RTCB: variants seen among roughly 807,000 people sequenced by gnomAD.
RTCB encodes the protein RNA-splicing ligase RTCB.
In RTCB, 32 loss-of-function variants were observed where a neutral mutation model predicts 58.2. The observed-to-expected ratio is 0.55, with a 90% CI of 0.41 to 0.74. The LOEUF is 0.74. RTCB is among the 30% of genes least tolerant of loss of function. The probability of loss-of-function intolerance (pLI) is 0.00; values close to 1 mark genes in which losing one functional copy is unlikely to be tolerated. For missense variants in RTCB, 523 were observed against 639.0 expected (o/e 0.82, Z 1.96); for synonymous variants, 247 against 218.6 (o/e 1.13, Z -1.15).
At position 32,398,015 on chromosome 22, in the gene RTCB, C is replaced by T; in HGVS notation, c.740G>A (p.Gly247Asp). ...IFNEYAAKKM[G>D]IDHKGQVCVM... The stretch of plus-strand genomic sequence containing the variant: ...ACACACCTGTCCCTTATGGTCGATG[C>T]CCATTTTTTTAGCAGCATACTCATT... Residue 247 changes from glycine (G) to aspartate (D), a missense_variant, in exon 7 of 12, where the codon GGC becomes GAC. Transcript: ENST00000216038. 2 of 1,614,112 alleles carry T rather than the reference C, an allele frequency of 1.2e-6. No individual in the cohort carries two copies. Among genetic ancestry groups the T allele is most frequent in the Non-Finnish European group, 1.7e-6 (2 of 1,180,008 alleles).
chr22:32,387,894 A>T lies in RTCB; in HGVS notation c.*98T>A. 1 of 807,224 alleles carries T rather than the reference A, an allele frequency of 1.2e-6. No homozygotes were observed. The highest frequency in any genetic ancestry group is 2.1e-6 in the Non-Finnish European group (1 of 476,546). The allele number at this position is 807,224 out of a possible 1,614,324, so 50.0% of individuals were successfully genotyped here. A position where few individuals can be genotyped will look rare whatever the true frequency, so the allele number is the denominator to read the frequency against. On this transcript the variant is annotated 3_prime_UTR_variant, in exon 12 of 12. Transcript: ENST00000216038. ...GAGCAGTTACAGCTGCACACTTTGC[A>T]ACTTGTCCCGCCTTGAGTCTGATGT...
Position 32,396,214 on chromosome 22 carries a change from C to T in RTCB, c.850G>A (p.Asp284Asn). 2 of 1,614,192 alleles carry T rather than the reference C, an allele frequency of 1.2e-6. No individual in the cohort carries two copies. The highest frequency in any genetic ancestry group is 1.7e-6 in the Non-Finnish European group (2 of 1,180,036). ...LVAMEKAMKR[D>N]KIIVNDRQLA... ...TGCCGATCATTGACTATAATCTTGT[C>T]TCTCTTCATGGCCTTCTCCATAGCT... The change falls in exon 8 of 12, where the codon GAC (aspartate) becomes AAC (asparagine). Residue 284 changes from aspartate (D) to asparagine (N), a missense_variant. Asp to Asn is a conservative substitution (Grantham distance 23). Coordinates refer to ENST00000216038, the MANE Select transcript of RTCB (RefSeq NM_014306.5).
Position 32,408,787 on chromosome 22 carries a change from A to G in RTCB, c.140T>C (p.Phe47Ser). 6.2e-7 allele frequency: 1 copy of G among 1,614,070 alleles called. No homozygotes were observed. The highest frequency in any genetic ancestry group is 2.2e-5 in the East Asian group (1 of 44,884). The change falls in exon 2 of 12, where the codon TTT becomes TCT. Residue 47 changes from phenylalanine (F) to serine (S), a missense_variant. Transcript: ENST00000216038. The stretch of plus-strand genomic sequence containing the variant: ...TCGACAGGCATTCCTTAATTCCTCA[A>G]ACATCAATTTCTCCAGAGCATCATT... ...YVNDALEKLM[F>S]EELRNACRGG...
At position 32,405,501 on chromosome 22, in the gene RTCB, T is replaced by C. The variant is rs373593615; in HGVS notation, c.340+1161A>G. On this transcript the variant is annotated intron_variant, in intron 4 of 11. Coordinates refer to ENST00000216038, the MANE Select transcript of RTCB (RefSeq NM_014306.5). ...GCACATACACACACACAACCACACA[T>C]GTATATTAGAGGTCACGTGTCAAGT... Among the ~76,000 whole-genome samples the C allele has an allele frequency of 3.9e-5, 6 of 152,298 alleles. No homozygotes were observed. In the East Asian group the frequency reaches 1.2e-3, roughly 29 times the overall value.
At position 32,387,883 on chromosome 22, in the gene RTCB, G is replaced by T; in HGVS notation, c.*109C>A. On this transcript the variant is annotated 3_prime_UTR_variant, in exon 12 of 12. Coordinates refer to ENST00000216038, the MANE Select transcript of RTCB (RefSeq NM_014306.5). ...CATTTTGGCGTGAGCAGTTACAGCTGCACACTTTGCAACTTGTCCCGCCTT... is the reference window on the plus strand; with the variant it reads ...CATTTTGGCGTGAGCAGTTACAGCTTCACACTTTGCAACTTGTCCCGCCTT... 2.8e-6 allele frequency: 2 copies of T among 723,884 alleles called. No homozygotes were observed. Among genetic ancestry groups the T allele is most frequent in the Non-Finnish European group, 4.9e-6 (2 of 411,186 alleles). 44.8% of individuals were successfully genotyped at this position (723,884 alleles called of 1,614,324 possible). A position where few individuals can be genotyped will look rare whatever the true frequency, so the allele number is the denominator to read the frequency against.
At chr22:32,408,335 T>C (rs980561079) in intron 2 of RTCB, 93 bp from the exon 3 acceptor site, 55 of 993,782 alleles carry the variant, frequency 5.5e-5, no homozygotes, top group Non-Finnish European at 7.6e-5. Context: ...CGTGAAGAGG[T>C]AGTCATTAGG....
At chr22:32,405,476 G>A (rs181032832) in intron 4 of RTCB, among the ~76,000 whole-genome samples, 2 of 152,226 alleles carry the variant, frequency 1.3e-5, no homozygotes, top group East Asian at 3.9e-4. Context: ...CAATGCAAGT[G>A]CACATACACA....
At chr22:32,394,347 G>A (rs1487480514) in intron 9 of RTCB, among the ~76,000 whole-genome samples, 2 of 152,050 alleles carry the variant, frequency 1.3e-5, no homozygotes, top group African/African-American at 2.4e-5. Context: ...TCCCGAACTC[G>A]TGATTTGCCC....
At chr22:32,411,893 G>A (rs1933531312) in intron 1 of RTCB, among the ~76,000 whole-genome samples, 171 bp downstream of exon 1, 1 of 152,188 alleles carries the variant, frequency 6.6e-6, no homozygotes, top group Admixed American at 6.5e-5. Context: ...AGGTGGTGCC[G>A]GAACAGGTTG....
intron 10 of RTCB, among the ~76,000 whole-genome samples, chr22:32,393,362 C>G (rs1489392156): frequency 6.6e-6 from 1 of 152,184 alleles, no homozygotes; most frequent in Non-Finnish European, 1.5e-5. Flanking sequence ...AAAATATTTA[C>G]GGTCTGGCCC....
intron 6 of RTCB, 62 bp from the exon 7 acceptor site, chr22:32,398,162 AAAAACCAAAAAGATAAAAAC>A: frequency 6.5e-7 from 1 of 1,546,678 alleles, no homozygotes; most frequent in Non-Finnish European, 8.8e-7. Flanking sequence ...TAATCTATTT[AAAAACCAAAAAGATAAAAAC>A]AAACTAACAA....
chr22:32,392,600 C>G, intron 10 of RTCB: 1 of 615,808 alleles, frequency 1.6e-6, no homozygotes, highest in Non-Finnish European at 2.9e-6. Flanking sequence ...GCATCCCTCG[C>G]CTCTAAGACC....
chr22:32,391,726 CTG>C (rs986447489), intron 11 of RTCB, among the ~76,000 whole-genome samples: 2 of 152,174 alleles, frequency 1.3e-5, no homozygotes, highest in African/African-American at 4.8e-5. Context: ...AAGGTAATAA[CTG>C]TGTCAGGGCA....
chr22:32,390,101 C>T (rs553398499), intron 11 of RTCB, among the ~76,000 whole-genome samples: 1 of 152,292 alleles, frequency 6.6e-6, no homozygotes, highest in Non-Finnish European at 1.5e-5. Context: ...TCTCCGACCA[C>T]CTGCTTAAAA....
At chr22:32,391,420 G>C (rs2145888812) in intron 11 of RTCB, among the ~76,000 whole-genome samples, 1 of 148,632 alleles carries the variant, frequency 6.7e-6, no homozygotes, top group South Asian at 2.1e-4. Flanking sequence ...TTTTGAGACG[G>C]AGTCTTACTT....
intron 4 of RTCB, among the ~76,000 whole-genome samples, chr22:32,405,159 G>C (rs1933399097): frequency 6.6e-6 from 1 of 152,140 alleles, no homozygotes; most frequent in South Asian, 2.1e-4. Context: ...ACTGTACAGT[G>C]AGATTTCTCA....
chr22:32,412,150 G>T lies in RTCB; in HGVS notation c.7C>A (p.Arg3Ser), dbSNP rs750489569. 2 of 1,591,992 alleles carry T rather than the reference G, an allele frequency of 1.3e-6. No homozygotes were observed. Among genetic ancestry groups the T allele is most frequent in the South Asian group, 2.3e-5 (2 of 88,238 alleles). MS[R>S]SYNDELQFLE... The stretch of plus-strand genomic sequence containing the variant: ...AACTGCAGCTCATCATTATAGCTGC[G>T]ACTCATGGTGGCGAAAACTGTAGCA... The change falls in exon 1 of 12, where the codon CGC (arginine) becomes AGC (serine). Residue 3 changes from arginine to serine, a missense_variant. Arg to Ser is a moderately radical substitution (Grantham distance 110, BLOSUM62 -1). Transcript: ENST00000216038.
chr22:32,406,594 T>C, intron 4 of RTCB, 68 bp downstream of exon 4: 1 of 1,087,532 alleles, frequency 9.2e-7, no homozygotes. Context: ...GTGCTGGGAT[T>C]ACAGACGTGA....
chr22:32,398,677 A>G (rs898209320), intron 6 of RTCB, among the ~76,000 whole-genome samples: 6 of 152,336 alleles, frequency 3.9e-5, no homozygotes, highest in African/African-American at 1.4e-4. Flanking sequence ...TTCATGGGAT[A>G]TTTTAAACAT....
Sources: allele counts gnomAD v4.1 joint callset (sites outside exome capture counted in the v4.1 genomes callset), GRCh38; gene constraint gnomAD v4.1.1; transcripts MANE v1.5; gene names NCBI Gene and HGNC (gene_info 2026-07-23, HGNC 2026-07-21).